The following PDPN variants were observed in gnomAD, a reference collection of about 807,000 sequenced individuals.
PDPN encodes the protein podoplanin.
Under a neutral mutation model 23.2 loss-of-function variants are expected in PDPN, and 12 were observed. That is an observed-to-expected ratio of 0.52 (90% CI 0.33 to 0.84). PDPN has a LOEUF of 0.84. Ranked by LOEUF, PDPN falls within the 40% of genes least tolerant of loss-of-function variation. The pLI is 0.02. For synonymous variants in PDPN, 77 were observed against 76.7 expected (o/e 1.00, Z -0.02); for missense variants, 199 against 212.2 (o/e 0.94, Z 0.39).
chr1:13,591,034 C>T (rs778650037), intron 1 of PDPN, among the ~76,000 whole-genome samples: 16 of 152,032 alleles, frequency 1.1e-4, no homozygotes, highest in South Asian at 8.3e-4. Context: ...CTCTGCCTCC[C>T]GGGTTCAAGC....
chr1:13,611,680 T>A (rs1483098673), intron 3 of PDPN, among the ~76,000 whole-genome samples: 1 of 152,170 alleles, frequency 6.6e-6, no homozygotes, highest in Non-Finnish European at 1.5e-5. Context: ...AGTGTGAATG[T>A]ACTTAATACC....
At chr1:13,586,763 TAAAAA>T (rs34131450) in intron 1 of PDPN, among the ~76,000 whole-genome samples, 11 of 125,432 alleles carry the variant, frequency 8.8e-5, no homozygotes, top group African/African-American at 2.1e-4. Context: ...ACTCTGCCAT[TAAAAA>T]AAAAAAAAAA....
intron 1 of PDPN, among the ~76,000 whole-genome samples, chr1:13,601,160 C>T (rs1281409148): frequency 1.3e-5 from 2 of 152,214 alleles, no homozygotes; most frequent in African/African-American, 4.8e-5. Context: ...ATTCTAGCTA[C>T]TCCCTGGTCA....
intron 1 of PDPN, chr1:13,584,310 C>T (rs1483029788): frequency 2.0e-6 from 3 of 1,505,962 alleles, no homozygotes; most frequent in Admixed American, 2.1e-5. Context: ...GCGGGTGTGC[C>T]GGGAGGAGCC....
intron 3 of PDPN, among the ~76,000 whole-genome samples, 164 bp from the exon 4 acceptor site, chr1:13,613,523 A>T (rs928623825): frequency 1.4e-5 from 2 of 148,000 alleles, no homozygotes; most frequent in Non-Finnish European, 2.9e-5. Context: ...ACAGTGCCAC[A>T]TCGGGGCTTG....
At chr1:13,596,074 C>T (rs1051663285) in intron 1 of PDPN, 1 of 337,938 alleles carries the variant, frequency 3.0e-6, no homozygotes, top group African/African-American at 2.2e-5. Context: ...TGGCAGGTGC[C>T]TGTAATCCCA....
chr1:13,612,219 T>G (rs1484081551), intron 3 of PDPN, among the ~76,000 whole-genome samples: 1 of 152,118 alleles, frequency 6.6e-6, no homozygotes, highest in African/African-American at 2.4e-5. Flanking sequence ...AGCACTCAGT[T>G]TTGAAGGGGT....
intron 3 of PDPN, 94 bp downstream of exon 3, chr1:13,610,610 G>T: frequency 8.0e-7 from 1 of 1,252,014 alleles, no homozygotes. Context: ...TCAATAGGGG[G>T]CATATTGGGA....
At chr1:13,614,229 T>C (rs1641007616) in intron 4 of PDPN, 71 bp from the exon 5 acceptor site, 2 of 788,104 alleles carry the variant, frequency 2.5e-6, no homozygotes, top group Non-Finnish European at 4.4e-6. Flanking sequence ...GCTTTGTTTA[T>C]ATGTTACATA....
chr1:13,614,333 T>C lies in PDPN; in HGVS notation c.404T>C (p.Ile135Thr), dbSNP rs180824148. The C allele has an allele frequency of 2.1e-5, 34 of 1,606,944 alleles. 1 individual carries two copies. In the Middle Eastern group the frequency reaches 1.7e-3, roughly 78 times the overall value. ...GLSTVTLVGI[I>T]VGVLLAIGFI... ...TCAACAGTGACCCTGGTTGGAATCA[T>C]AGTTGGGGTCTTACTAGCCATCGGC... The change falls in exon 5 of 6, where the codon ATA (isoleucine) becomes ACA (threonine). Residue 135 changes from isoleucine (I) to threonine (T), a missense_variant. Coordinates refer to ENST00000621990, the MANE Select transcript of PDPN (RefSeq NM_006474.5).
At chr1:13,600,657 G>T (rs752209122) in intron 1 of PDPN, among the ~76,000 whole-genome samples, 1 of 152,082 alleles carries the variant, frequency 6.6e-6, no homozygotes, top group Non-Finnish European at 1.5e-5. Flanking sequence ...GAGCCACCGC[G>T]TTGGGCCACA....
At chr1:13,608,385 C>T (rs571664972) in intron 2 of PDPN, among the ~76,000 whole-genome samples, 3 of 152,302 alleles carry the variant, frequency 2.0e-5, no homozygotes, top group South Asian at 2.1e-4. Context: ...GGTAACAGAA[C>T]GGAGGTTCCT....
At position 13,583,842 on chromosome 1, in the gene PDPN, T is replaced by G. The variant is rs1640102626; in HGVS notation, c.-192T>G. ...GCTCGGAAAGTTCTCAACTGCAAAG[T>G]TTGCTGTCCGGCTGCCTAGGGTCTG... On this transcript the variant is annotated 5_prime_UTR_variant, in exon 1 of 6. Transcript: ENST00000621990. 6.3e-7 allele frequency: 1 copy of G among 1,575,704 alleles called. No individual in the cohort carries two copies. Among genetic ancestry groups the G allele is most frequent in the Admixed American group, 1.9e-5 (1 of 53,376 alleles).
At chr1:13,603,901 T>A (rs967619745) in intron 1 of PDPN, among the ~76,000 whole-genome samples, 22 of 152,174 alleles carry the variant, frequency 1.4e-4, no homozygotes, top group Non-Finnish European at 2.6e-4. Context: ...CTAGCTTTTT[T>A]AAAATAATCA....
chr1:13,595,196 A>G (rs1640462161), intron 1 of PDPN, among the ~76,000 whole-genome samples: 2 of 152,186 alleles, frequency 1.3e-5, no homozygotes, highest in African/African-American at 4.8e-5. Flanking sequence ...GAGAGGATAG[A>G]TCTGATTGAG....
At chr1:13,594,462 C>T (rs1640434785) in intron 1 of PDPN, among the ~76,000 whole-genome samples, 1 of 152,108 alleles carries the variant, frequency 6.6e-6, no homozygotes, top group South Asian at 2.1e-4. Flanking sequence ...TCAGTCTACT[C>T]CAGACCTTTC....
intron 1 of PDPN, among the ~76,000 whole-genome samples, chr1:13,605,843 G>A (rs770427066): frequency 4.0e-5 from 6 of 151,864 alleles, no homozygotes; most frequent in African/African-American, 9.7e-5. Context: ...GGATGGTCTC[G>A]ATCTCTTGAC....
intron 1 of PDPN, among the ~76,000 whole-genome samples, chr1:13,587,476 G>GA (rs934466114): frequency 6.6e-6 from 1 of 152,078 alleles, no homozygotes; most frequent in African/African-American, 2.4e-5. Flanking sequence ...TACGACGGGG[G>GA]AGGAGGAGGA....
At chr1:13,597,591 A>G (rs1640529871) in intron 1 of PDPN, among the ~76,000 whole-genome samples, 1 of 152,216 alleles carries the variant, frequency 6.6e-6, no homozygotes. Flanking sequence ...AATTTTATGT[A>G]GAGGACTTAA....
Sources: allele counts gnomAD v4.1 joint callset (sites outside exome capture counted in the v4.1 genomes callset), GRCh38; gene constraint gnomAD v4.1.1; transcripts MANE v1.5; gene names NCBI Gene and HGNC (gene_info 2026-07-23, HGNC 2026-07-21).